The following PARP1 variants were observed in gnomAD, a reference collection of about 807,000 sequenced individuals.
The protein encoded by PARP1 is poly(ADP-ribose) polymerase 1.
A neutral mutation model predicts 118.7 loss-of-function variants in PARP1; 44 were observed. That is an observed-to-expected ratio of 0.37 (90% confidence interval 0.29 to 0.48). The LOEUF (loss-of-function observed/expected upper bound fraction) is 0.48, where lower values mean the gene tolerates loss of function less well. Among genes scored for constraint, PARP1 ranks in the 20% least tolerant of loss-of-function variants. PARP1 has a pLI of 0.99. For missense variants in PARP1, 1,100 were observed against 1,272.4 expected, an observed-to-expected ratio of 0.86 and a Z score of 2.06; for synonymous variants, 492 against 483.2, an observed-to-expected ratio of 1.02 and a Z score of -0.24.
Position 226,364,993 on chromosome 1 carries a change from G to A in PARP1, c.2658+9C>T. 1.2e-6 allele frequency: 2 copies of A among 1,613,532 alleles called. No individual in the cohort carries two copies. Among genetic ancestry groups the A allele is most frequent in the Non-Finnish European group, 1.7e-6 (2 of 1,180,040 alleles). ...GCATTGCCCACCCCTCGCCAGGCCAGGCACATACCACGGGCGCTTCAGGCG... is the reference window on the plus strand; with the variant it reads ...GCATTGCCCACCCCTCGCCAGGCCAAGCACATACCACGGGCGCTTCAGGCG... On this transcript the variant is annotated intron_variant, in intron 19 of 22. Transcript: ENST00000366794.
In PARP1 at chr1:226,390,637, C is replaced by A. The variant is rs759147074; in HGVS notation, c.403-13G>T. ...GGCGCACCTGGCCCTGCAGGAAAAA[C>A]CATATGTGGTACCAAGGGAGCGACA... On this transcript the variant is annotated splice_polypyrimidine_tract_variant and intron_variant, in intron 3 of 22. Coordinates refer to ENST00000366794, the MANE Select transcript of PARP1 (RefSeq NM_001618.4). The A allele has an allele frequency of 6.2e-7, 1 of 1,612,308 alleles. No homozygotes were observed. The highest frequency in any genetic ancestry group is 8.5e-7 in the Non-Finnish European group (1 of 1,178,446).
At chr1:226,394,017 G>A (rs1558241636) in intron 2 of PARP1, among the ~76,000 whole-genome samples, 1 of 152,188 alleles carries the variant, frequency 6.6e-6, no homozygotes, top group Non-Finnish European at 1.5e-5. Flanking sequence ...AACATGTTAT[G>A]ACAAAGAATC....
intron 11 of PARP1, 65 bp from the exon 12 acceptor site, chr1:226,379,339 A>C: frequency 1.3e-6 from 2 of 1,598,252 alleles, no homozygotes; most frequent in Non-Finnish European, 1.7e-6. Flanking sequence ...CTCACGGAGA[A>C]GGGATCTGCA....
intron 7 of PARP1, among the ~76,000 whole-genome samples, chr1:226,384,334 A>G (rs1664678368): frequency 6.6e-6 from 1 of 152,276 alleles, no homozygotes; most frequent in South Asian, 2.1e-4. Flanking sequence ...AAGCCGCATC[A>G]CAGAGGGCTC....
intron 2 of PARP1, among the ~76,000 whole-genome samples, chr1:226,393,155 G>A (rs1245548885): frequency 6.6e-6 from 1 of 152,134 alleles, no homozygotes; most frequent in South Asian, 2.1e-4. Flanking sequence ...AGGGCACACT[G>A]TCAATATACA....
At chr1:226,400,029 T>C (rs918777096) in intron 2 of PARP1, among the ~76,000 whole-genome samples, 1 of 151,354 alleles carries the variant, frequency 6.6e-6, no homozygotes, top group East Asian at 2.0e-4. Flanking sequence ...AGTTTACATA[T>C]AAAAAAAGGT....
At chr1:226,384,675 G>C (rs1664683088) in intron 7 of PARP1, among the ~76,000 whole-genome samples, 1 of 152,230 alleles carries the variant, frequency 6.6e-6, no homozygotes, top group African/African-American at 2.4e-5. Flanking sequence ...ATTTATTTTA[G>C]AGGAACCACT....
At chr1:226,401,218 T>C (rs1431351415) in intron 2 of PARP1, among the ~76,000 whole-genome samples, 2 of 152,092 alleles carry the variant, frequency 1.3e-5, no homozygotes, top group African/African-American at 4.8e-5. Flanking sequence ...AGCCCTAAAT[T>C]GGGGATTGGC....
At chr1:226,374,465 C>T (rs1558235829) in intron 13 of PARP1, 111 bp from the exon 14 acceptor site, 25 of 1,261,606 alleles carry the variant, frequency 2.0e-5, no homozygotes, top group Non-Finnish European at 2.9e-5. Context: ...GTGCCACCAG[C>T]AAAAAAAGCT....
intron 12 of PARP1, among the ~76,000 whole-genome samples, chr1:226,378,262 G>A (rs1386039110): frequency 2.0e-5 from 3 of 151,958 alleles, no homozygotes; most frequent in South Asian, 2.1e-4. Context: ...CTATTTTGTG[G>A]TGGCTGTACT....
rs779908862 is a variant in PARP1, at chr1:226,377,321, G to T, written c.1746-18C>A. The T allele has an allele frequency of 3.1e-6, 5 of 1,602,566 alleles. No homozygotes were observed. Among genetic ancestry groups the T allele is most frequent in the Non-Finnish European group, 3.4e-6 (4 of 1,169,572 alleles). ...TCCAATACCTGCAGTGGGAAGGAGG[G>T]TGTCAGATACACATGTGTGGGTCAG... On this transcript the variant is annotated intron_variant, in intron 12 of 22. Coordinates refer to ENST00000366794, the MANE Select transcript of PARP1 (RefSeq NM_001618.4).
rs1447203064 is a variant in PARP1 at position 226,392,260 on chromosome 1, G to A, written c.341C>T (p.Ala114Val). The A allele has an allele frequency of 1.2e-6, 2 of 1,614,114 alleles. No individual in the cohort carries two copies. The highest frequency in any genetic ancestry group is 1.7e-6 in the Non-Finnish European group (2 of 1,179,996). ...SKAEKTLGDF[A>V]AEYAKSNRST... Reference sequence around the variant, plus strand: ...TCTGTTGGACTTGGCATACTCTGCTGCAAAGTCACCCAGAGTCTTCTCTGC... The same window carrying A: ...TCTGTTGGACTTGGCATACTCTGCTACAAAGTCACCCAGAGTCTTCTCTGC... The change falls in exon 3 of 23, where the codon GCA becomes GTA. Residue 114 changes from alanine to valine, a missense_variant. By Grantham distance (64) the Ala-to-Val change is moderately conservative. Coordinates refer to ENST00000366794, the MANE Select transcript of PARP1 (RefSeq NM_001618.4).
intron 6 of PARP1, among the ~76,000 whole-genome samples, chr1:226,386,027 C>A (rs1664710210): frequency 1.3e-5 from 2 of 152,198 alleles, no homozygotes; most frequent in South Asian, 4.1e-4. Flanking sequence ...TGATGGGAAA[C>A]CATCATGCCA....
chr1:226,392,617 G>C, intron 2 of PARP1: 1 of 543,598 alleles, frequency 1.8e-6, no homozygotes, highest in East Asian at 3.2e-5. Flanking sequence ...CCACACTTTA[G>C]AAAGCACTTA....
At chr1:226,375,881 G>T (rs1315910985) in intron 13 of PARP1, among the ~76,000 whole-genome samples, 1 of 152,136 alleles carries the variant, frequency 6.6e-6, no homozygotes, top group East Asian at 1.9e-4. Context: ...ATATGGTGGT[G>T]GGAAACGTAC....
chr1:226,399,781 G>A (rs959869901), intron 2 of PARP1, among the ~76,000 whole-genome samples: 25 of 152,298 alleles, frequency 1.6e-4, no homozygotes, highest in African/African-American at 5.1e-4. Flanking sequence ...CTCTGGTGGC[G>A]ATGTTGATTG....
At chr1:226,379,426 G>C (rs894450892) in intron 11 of PARP1, 147 bp downstream of exon 11, 5 of 1,188,410 alleles carry the variant, frequency 4.2e-6, no homozygotes, top group Middle Eastern at 2.0e-4. Context: ...TCTCAGGACT[G>C]GGGGAGCTGG....
At chr1:226,374,151 A>G (rs572096913) in intron 14 of PARP1, 75 bp downstream of exon 14, 1 of 1,534,322 alleles carries the variant, frequency 6.5e-7, no homozygotes, top group East Asian at 2.2e-5. Context: ...AAGAACAGGC[A>G]GACAGCTCTT....
chr1:226,403,241 C>A (rs1030535399), intron 1 of PARP1, among the ~76,000 whole-genome samples: 3 of 152,168 alleles, frequency 2.0e-5, no homozygotes, highest in South Asian at 4.1e-4. Flanking sequence ...TGCAGTGGTG[C>A]GATCTCAGCT....
Sources: gnomAD v4.1 joint callset for allele counts (sites outside exome capture counted in the v4.1 genomes callset) on GRCh38, gnomAD v4.1.1 for gene constraint, MANE v1.5 for transcripts, NCBI Gene and HGNC (gene_info 2026-07-23, HGNC 2026-07-21) for gene names.